KMO: variants seen among roughly 807,000 people sequenced by gnomAD.
The protein encoded by KMO is kynurenine 3-hydroxylase.
A neutral mutation model predicts 57.8 loss-of-function variants in KMO; 24 were observed. That is an observed-to-expected ratio of 0.42 (90% CI 0.30 to 0.58). The LOEUF (loss-of-function observed/expected upper bound fraction) is 0.58. KMO is among the 20% of genes least tolerant of loss of function. The pLI is 0.22. For synonymous variants in KMO, 210 were observed against 193.6 expected (o/e 1.08, Z -0.70); for missense variants, 483 against 588.2 (o/e 0.82, Z 1.85).
rs1468068651 is a variant in KMO, at chr1:241,566,567, AT to A, written c.767del (p.Phe256SerfsTer12). On this transcript the variant is annotated frameshift_variant, in exon 9 of 15. Coordinates refer to ENST00000366559, the MANE Select transcript of KMO (RefSeq NM_003679.5). LOFTEE classifies it high-confidence loss of function. ...EKLLTSNDVVDFFQKYFPDAI... is the reference protein window; with the variant it reads ...EKLLTSNDVVXFFQKYFPDAI... ...CTTCTAACCAGTAATGATGTGGTAG[AT>A]TTCTTCCAGAAATACTTTCCGGATG... The A allele has an allele frequency of 6.2e-7, 1 of 1,613,858 alleles. No individual in the cohort carries two copies. The highest frequency in any genetic ancestry group is 1.7e-5 in the Admixed American group (1 of 60,022).
chr1:241,586,838 T>C (rs1309893537), intron 11 of KMO, 102 bp downstream of exon 11: 7 of 795,364 alleles, frequency 8.8e-6, no homozygotes, highest in African/African-American at 1.7e-5. Flanking sequence ...ATGTATAATG[T>C]ATATTATCTC....
rs200246292 is a variant in KMO, at chr1:241,586,659, C to CTTTTTTTTT, written c.958-19_958-11dup. On this transcript the variant is annotated intron_variant, in intron 10 of 14. Transcript: ENST00000366559. ...TTATTATTTCTAGTTTCTTATTTCT[C>CTTTTTTTTT]TTTTTTTTTCTTGTTTCAGGGCTTT... The CTTTTTTTTT allele has an allele frequency of 2.0e-6, 3 of 1,486,292 alleles. No individual in the cohort carries two copies. Among genetic ancestry groups the CTTTTTTTTT allele is most frequent in the Non-Finnish European group, 2.8e-6 (3 of 1,084,976 alleles). 92.1% of individuals were successfully genotyped at this position (1,486,292 alleles called of 1,614,324 possible).
chr1:241,570,866 C>A (rs1662252563), intron 10 of KMO, among the ~76,000 whole-genome samples: 1 of 152,054 alleles, frequency 6.6e-6, no homozygotes, highest in Non-Finnish European at 1.5e-5. Context: ...CTGTAGATTG[C>A]CTTGGGTAAT....
intron 1 of KMO, among the ~76,000 whole-genome samples, chr1:241,540,320 T>C (rs1192790776): frequency 1.3e-5 from 2 of 152,118 alleles, no homozygotes; most frequent in Non-Finnish European, 2.9e-5. Context: ...GACAAGACTA[T>C]AAATAAATAA....
chr1:241,556,091 T>C (rs1661610762), intron 5 of KMO, among the ~76,000 whole-genome samples: 1 of 152,042 alleles, frequency 6.6e-6, no homozygotes, highest in East Asian at 1.9e-4. Flanking sequence ...TGAGACCCTG[T>C]CTCAAAAAAA....
At position 241,568,629 on chromosome 1, in the gene KMO, T is replaced by G. The variant is rs1025715375; in HGVS notation, c.939T>G (p.Phe313Leu). ...CAGCTCATGCTATAGTGCCGTTTTT[T>G]GGGCAAGGAATGAATGCGGTAAGTT... ...GDAAHAIVPF[F>L]GQGMNAGFED... The change falls in exon 10 of 15, where the codon TTT becomes TTG. Residue 313 changes from phenylalanine to leucine, a missense_variant. By Grantham distance (22) the Phe-to-Leu change is conservative (BLOSUM62 0). Around this residue, in one of 3 missense-constraint regions of KMO, gnomAD observed 410 missense variants for 492.3 expected, o/e 0.83. Transcript: ENST00000366559. 4 of 1,613,634 alleles carry G rather than the reference T, an allele frequency of 2.5e-6. No individual in the cohort carries two copies. The African/African-American group carries it at 5.3e-5, about 22-fold the overall frequency.
At chr1:241,562,872 AAGG>A (rs1349381729) in intron 7 of KMO, among the ~76,000 whole-genome samples, 117 of 36,034 alleles carry the variant, frequency 3.2e-3, no homozygotes, top group African/African-American at 9.4e-3. Context: ...AGAAGGAAGG[AAGG>A]AAGGAAGGAA....
intron 6 of KMO, among the ~76,000 whole-genome samples, chr1:241,561,766 C>A (rs547590884): frequency 2.6e-5 from 4 of 152,244 alleles, no homozygotes; most frequent in African/African-American, 9.6e-5. Flanking sequence ...ACCTTGTATT[C>A]TTTTCTTAAG....
chr1:241,572,105 T>C (rs907533903), intron 10 of KMO, among the ~76,000 whole-genome samples: 2 of 152,062 alleles, frequency 1.3e-5, no homozygotes, highest in South Asian at 4.1e-4. Context: ...GACCTTGTGA[T>C]CTGCCCACCT....
At chr1:241,549,190 G>A (rs374066829) in intron 2 of KMO, among the ~76,000 whole-genome samples, 1 of 101,354 alleles carries the variant, frequency 9.9e-6, no homozygotes, top group Non-Finnish European at 2.1e-5. Context: ...GAGAGAGAGA[G>A]AGAAAGAAAA....
chr1:241,585,213 A>G (rs1662922669), intron 10 of KMO, among the ~76,000 whole-genome samples: 1 of 143,764 alleles, frequency 7.0e-6, no homozygotes, highest in African/African-American at 2.6e-5. Flanking sequence ...TGGGTGACAG[A>G]CCGAGACTGC....
In KMO at chr1:241,551,034, C is replaced by T; in HGVS notation, c.302C>T (p.Thr101Ile). ...AAAAAGTCTGCAATTCCCTATGGGACAAAGTCTCAGGTAGGTTTACCCCGG... is the reference window on the plus strand; with the variant it reads ...AAAAAGTCTGCAATTCCCTATGGGATAAAGTCTCAGGTAGGTTTACCCCGG... ...SGKKSAIPYG[T>I]KSQYILSVSR... The change falls in exon 4 of 15, where the codon ACA (threonine) becomes ATA (isoleucine). Residue 101 changes from threonine to isoleucine, a missense_variant. Coordinates refer to ENST00000366559, the MANE Select transcript of KMO (RefSeq NM_003679.5). The T allele has an allele frequency of 6.4e-7, 1 of 1,550,876 alleles. No homozygotes were observed. The highest frequency in any genetic ancestry group is 1.2e-5 in the South Asian group (1 of 84,474).
intron 5 of KMO, among the ~76,000 whole-genome samples, chr1:241,558,974 G>A (rs563902224): frequency 6.6e-6 from 1 of 151,760 alleles, no homozygotes; most frequent in East Asian, 1.9e-4. Flanking sequence ...TTAGCTGGGC[G>A]TGTTGGTGGG....
At chr1:241,534,086 A>G (rs1480831599) in intron 1 of KMO, among the ~76,000 whole-genome samples, 1 of 152,036 alleles carries the variant, frequency 6.6e-6, no homozygotes, top group Non-Finnish European at 1.5e-5. Context: ...TCCAGGCAAG[A>G]AGATCAGATT....
At chr1:241,547,458 C>T (rs1444835100) in intron 1 of KMO, among the ~76,000 whole-genome samples, 1 of 151,672 alleles carries the variant, frequency 6.6e-6, no homozygotes, top group African/African-American at 2.4e-5. Flanking sequence ...AGATAGGCAA[C>T]CCAATAGAAA....
At chr1:241,548,597 A>C (rs1380127779) in intron 1 of KMO, among the ~76,000 whole-genome samples, 1 of 151,972 alleles carries the variant, frequency 6.6e-6, no homozygotes, top group Non-Finnish European at 1.5e-5. Context: ...AAAAAAAAAA[A>C]AACTACTTCT....
chr1:241,594,694 G>T lies in KMO; in HGVS notation c.*2541G>T. The T allele has an allele frequency of 6.2e-7, 1 of 1,608,150 alleles. No homozygotes were observed. Among genetic ancestry groups the T allele is most frequent in the South Asian group, 1.1e-5 (1 of 89,984 alleles). ...AGCTGCAAAAGGGATCTTCGAAACT[G>T]GGCAGAGAAAAAATAAAGTGGAATA... On this transcript the variant is annotated 3_prime_UTR_variant, in exon 15 of 15. Coordinates refer to ENST00000366559, the MANE Select transcript of KMO (RefSeq NM_003679.5).
chr1:241,541,519 T>A (rs1660958368), intron 1 of KMO, among the ~76,000 whole-genome samples: 1 of 152,060 alleles, frequency 6.6e-6, no homozygotes, highest in Admixed American at 6.6e-5. Context: ...AGGACGAAGA[T>A]CAAGACTAGA....
In KMO at chr1:241,592,403, T is replaced by G. The variant is rs1048966089; in HGVS notation, c.*250T>G. On this transcript the variant is annotated 3_prime_UTR_variant, in exon 15 of 15. Coordinates refer to ENST00000366559, the MANE Select transcript of KMO (RefSeq NM_003679.5). The stretch of plus-strand genomic sequence containing the variant: ...AGTCATTCTAACTATAAAAGTGCAA[T>G]GACTAAGATCCTTCACTTCTCTGAA... 1 of 480,936 alleles carries G rather than the reference T, an allele frequency of 2.1e-6. No homozygotes were observed. The highest frequency in any genetic ancestry group is 3.8e-6 in the Non-Finnish European group (1 of 265,420). The allele number at this position is 480,936 out of a possible 1,614,324, so 29.8% of individuals were successfully genotyped here.
Sources: gnomAD v4.1 joint callset for allele counts (sites outside exome capture counted in the v4.1 genomes callset) on GRCh38, gnomAD v4.1.1 for gene constraint, gnomAD v4.1.1 regional missense constraint, MANE v1.5 for transcripts, NCBI Gene and HGNC (gene_info 2026-07-23, HGNC 2026-07-21) for gene names.